FHIT: variants seen among roughly 807,000 people sequenced by gnomAD.
FHIT encodes fragile histidine triad diadenosine triphosphatase, also known as bis(5'-adenosyl)-triphosphatase.
A neutral mutation model predicts 17.9 loss-of-function variants in FHIT; 19 were observed. The observed-to-expected ratio is 1.06, with a 90% CI of 0.74 to 1.56. The LOEUF (loss-of-function observed/expected upper bound fraction) is 1.56, where lower values mean the gene tolerates loss of function less well. Among genes scored for constraint, FHIT ranks in the 40% most tolerant of loss-of-function variants. The probability of loss-of-function intolerance (pLI) is 0.00; values close to 1 mark genes in which losing one functional copy is unlikely to be tolerated. For missense variants in FHIT, 248 were observed against 189.2 expected, an observed-to-expected ratio of 1.31 and a Z score of -1.82; for synonymous variants, 81 against 69.7, an observed-to-expected ratio of 1.16 and a Z score of -0.81.
chr3:60,418,365 T>G (rs1702327786), intron 5 of FHIT, among the ~76,000 whole-genome samples: 1 of 118,128 alleles, frequency 8.5e-6, no homozygotes, highest in Non-Finnish European at 1.8e-5. Context: ...TATATATGTA[T>G]CTGAATGTGT....
At chr3:61,113,199 G>A (rs2036210441) in intron 2 of FHIT, among the ~76,000 whole-genome samples, 1 of 151,784 alleles carries the variant, frequency 6.6e-6, no homozygotes, top group Admixed American at 6.6e-5. Flanking sequence ...TTGTAGAGAT[G>A]GGGTCTCACT....
chr3:60,118,653 T>G (rs1484346869), intron 5 of FHIT, among the ~76,000 whole-genome samples: 1 of 151,760 alleles, frequency 6.6e-6, no homozygotes, highest in Non-Finnish European at 1.5e-5. Context: ...ATGCTAATAT[T>G]AGAAAGTACA....
intron 5 of FHIT, among the ~76,000 whole-genome samples, chr3:60,534,198 C>T (rs560236044): frequency 8.0e-5 from 12 of 150,334 alleles, no homozygotes; most frequent in African/African-American, 2.5e-4. Flanking sequence ...GAGGCCGAGG[C>T]GGGTGGATCA....
intron 8 of FHIT, among the ~76,000 whole-genome samples, chr3:59,911,941 A>C (rs1704899494): frequency 6.6e-6 from 1 of 152,210 alleles, no homozygotes; most frequent in South Asian, 2.1e-4. Context: ...AAGATGAGTA[A>C]GATGCCTCTG....
chr3:60,630,979 A>C (rs1281208427), intron 4 of FHIT, among the ~76,000 whole-genome samples: 1 of 151,758 alleles, frequency 6.6e-6, no homozygotes, highest in Non-Finnish European at 1.5e-5. Context: ...ACTGAGTAAA[A>C]AACACTCTCA....
At chr3:61,212,433 A>C (rs1304421565) in intron 1 of FHIT, among the ~76,000 whole-genome samples, 1 of 152,094 alleles carries the variant, frequency 6.6e-6, no homozygotes, top group Non-Finnish European at 1.5e-5. Flanking sequence ...GAAATGAAGC[A>C]AGAAGAGAAG....
At chr3:60,249,096 A>G (rs561775163) in intron 5 of FHIT, among the ~76,000 whole-genome samples, 3 of 152,234 alleles carry the variant, frequency 2.0e-5, no homozygotes, top group Admixed American at 1.3e-4. Context: ...AACTTCTATT[A>G]AGTATATTTG....
intron 5 of FHIT, among the ~76,000 whole-genome samples, chr3:60,312,415 C>A (rs988453900): frequency 1.3e-5 from 2 of 152,078 alleles, no homozygotes; most frequent in African/African-American, 4.8e-5. Flanking sequence ...AGTGCCAGGA[C>A]CTTAGCCATG....
chr3:59,793,811 T>C (rs979413396), intron 8 of FHIT, among the ~76,000 whole-genome samples: 3 of 152,166 alleles, frequency 2.0e-5, no homozygotes, highest in African/African-American at 7.2e-5. Context: ...GATGGGAGTT[T>C]GGCTTTGGAG....
intron 3 of FHIT, among the ~76,000 whole-genome samples, chr3:60,881,745 G>A (rs1483295365): frequency 1.3e-5 from 2 of 151,956 alleles, no homozygotes; most frequent in Non-Finnish European, 2.9e-5. Context: ...CAAAACTTAT[G>A]AGATACAGCA....
rs1391376302 is a variant in FHIT at position 60,441,712 on chromosome 3, A to ATATATATTTGTATT, written c.103+95147_103+95148insAATACAAATATATA. 1.1e-4 allele frequency among the ~76,000 whole-genome samples: 9 copies of ATATATATTTGTATT among 82,244 alleles called. No homozygotes were observed. In the East Asian group the frequency reaches 1.4e-3, roughly 13 times the overall value. 54.0% of individuals were successfully genotyped at this position (82,244 alleles called of 152,430 possible). A position where few individuals can be genotyped will look rare whatever the true frequency, so the allele number is the denominator to read the frequency against. On this transcript the variant is annotated intron_variant, in intron 5 of 9. Coordinates refer to ENST00000492590, the MANE Select transcript of FHIT (RefSeq NM_002012.4). ...TGCATCTGTAGGTATTTATATATAT[A>ATATATATTTGTATT]TATATATATATTTGTATTTATATAT...
intron 5 of FHIT, among the ~76,000 whole-genome samples, chr3:60,063,579 A>G (rs1702380076): frequency 1.3e-5 from 2 of 152,338 alleles, no homozygotes; most frequent in Middle Eastern, 3.4e-3. Flanking sequence ...CCATTGAAAG[A>G]TAAGCAAATT....
chr3:60,747,129 A>C (rs2108022664), intron 4 of FHIT, among the ~76,000 whole-genome samples: 1 of 151,790 alleles, frequency 6.6e-6, no homozygotes, highest in African/African-American at 2.4e-5. Flanking sequence ...GAATTCACAA[A>C]AAAAAAAAAA....
intron 5 of FHIT, among the ~76,000 whole-genome samples, chr3:60,391,200 A>AAAAG (rs1553761557): frequency 1.6e-4 from 5 of 30,662 alleles, no homozygotes; most frequent in African/African-American, 2.9e-4. Flanking sequence ...AACAAAACAA[A>AAAAG]AAACAAACAA....
At chr3:60,064,866 T>A (rs922143421) in intron 5 of FHIT, among the ~76,000 whole-genome samples, 1 of 152,224 alleles carries the variant, frequency 6.6e-6, no homozygotes, top group Non-Finnish European at 1.5e-5. Context: ...TTACTTCTCA[T>A]TTAAAATGCC....
At chr3:61,183,277 T>C (rs923566054) in intron 2 of FHIT, among the ~76,000 whole-genome samples, 3 of 148,014 alleles carry the variant, frequency 2.0e-5, no homozygotes, top group African/African-American at 7.5e-5. Flanking sequence ...GCCCAATTTA[T>C]AGAAAAAGCG....
At chr3:60,449,470 A>G (rs2031574071) in intron 5 of FHIT, among the ~76,000 whole-genome samples, 1 of 151,982 alleles carries the variant, frequency 6.6e-6, no homozygotes, top group Admixed American at 6.6e-5. Flanking sequence ...GTGGCACTTA[A>G]TAATGGAGCT....
chr3:60,634,932 AC>A (rs782645239), intron 4 of FHIT, among the ~76,000 whole-genome samples: 3 of 152,126 alleles, frequency 2.0e-5, no homozygotes, highest in Admixed American at 6.5e-5. Flanking sequence ...ATTCACAGGT[AC>A]TATCCTCAAC....
chr3:59,950,656 T>C (rs62240079), intron 7 of FHIT, among the ~76,000 whole-genome samples: 13,460 of 152,294 alleles, frequency 0.088, 848 homozygotes, highest in South Asian at 0.17. Flanking sequence ...TCAATGGCTC[T>C]GTCTTACTTC....
Sources: gnomAD v4.1 joint callset for allele counts (sites outside exome capture counted in the v4.1 genomes callset) on GRCh38, gnomAD v4.1.1 for gene constraint, MANE v1.5 for transcripts, NCBI Gene and HGNC (gene_info 2026-07-23, HGNC 2026-07-21) for gene names.